THSD7A: variants seen among roughly 807,000 people sequenced by gnomAD.
The protein encoded by THSD7A is thrombospondin type 1 domain containing 7A.
THSD7A carries 96 observed loss-of-function variants against 231.3 expected under a neutral mutation model. That is an observed-to-expected ratio of 0.41 (90% CI 0.35 to 0.49). The LOEUF (loss-of-function observed/expected upper bound fraction) is 0.49. Ranked by LOEUF, THSD7A falls within the 20% of genes least tolerant of loss-of-function variation. The pLI is 0.05. For missense variants in THSD7A, 2,290 were observed against 2,070.2 expected, an observed-to-expected ratio of 1.11 and a Z score of -2.06; for synonymous variants, 940 against 743.3, an observed-to-expected ratio of 1.26 and a Z score of -4.30.
intron 6 of THSD7A, among the ~76,000 whole-genome samples, chr7:11,488,775 T>C (rs1246791614): frequency 1.3e-5 from 2 of 152,068 alleles, no homozygotes; most frequent in African/African-American, 2.4e-5. Flanking sequence ...ACAAAGAAAA[T>C]AGAAATCTTC....
chr7:11,809,398 T>C (rs1332865677), intron 1 of THSD7A, among the ~76,000 whole-genome samples: 4 of 152,174 alleles, frequency 2.6e-5, no homozygotes, highest in Non-Finnish European at 5.9e-5. Context: ...TCTACTATTA[T>C]AGTTGTGGCT....
intron 4 of THSD7A, among the ~76,000 whole-genome samples, chr7:11,551,541 T>A (rs1789626521): frequency 6.6e-6 from 1 of 151,992 alleles, no homozygotes; most frequent in Non-Finnish European, 1.5e-5. Flanking sequence ...CTATAATACA[T>A]GAATAGACAT....
At chr7:11,499,742 A>C (rs1787254538) in intron 6 of THSD7A, among the ~76,000 whole-genome samples, 1 of 152,238 alleles carries the variant, frequency 6.6e-6, no homozygotes, top group South Asian at 2.1e-4. Context: ...TGGTTCTGTG[A>C]AATAAGACAG....
At chr7:11,445,837 T>C (rs979225614) in intron 13 of THSD7A, among the ~76,000 whole-genome samples, 1 of 152,042 alleles carries the variant, frequency 6.6e-6, no homozygotes, top group Non-Finnish European at 1.5e-5. Flanking sequence ...CCCATCAGGC[T>C]TCCTGTCATT....
chr7:11,689,384 T>C (rs1335026356), intron 1 of THSD7A, among the ~76,000 whole-genome samples: 1 of 151,874 alleles, frequency 6.6e-6, no homozygotes. Flanking sequence ...ATTTTGACTT[T>C]GAACAACTGA....
chr7:11,717,955 C>A (rs1228671678), intron 1 of THSD7A, among the ~76,000 whole-genome samples: 1 of 151,494 alleles, frequency 6.6e-6, no homozygotes, highest in Non-Finnish European at 1.5e-5. Context: ...CTACGATTTC[C>A]AAAATTCAAA....
At position 11,375,838 on chromosome 7, in the gene THSD7A, G is replaced by A; in HGVS notation, c.4930C>T (p.Leu1644=). The change falls in exon 28 of 28, where the codon CTG becomes TTG. Residue 1644 remains leucine (L), a synonymous_variant. Coordinates refer to ENST00000423059, the MANE Select transcript of THSD7A (RefSeq NM_015204.3). ...KKPQRRQNNR[L]KPLTLAYDGD... ...TCATAGGCTAAGGTTAAAGGTTTCA[G>A]TCGGTTGTTTTGCCTTCTTTGGGGT... 6.2e-7 allele frequency: 1 copy of A among 1,612,870 alleles called. No homozygotes were observed. Among genetic ancestry groups the A allele is most frequent in the Non-Finnish European group, 8.5e-7 (1 of 1,179,120 alleles).
chr7:11,466,062 C>T (rs34949860), intron 9 of THSD7A, among the ~76,000 whole-genome samples: 3,024 of 152,184 alleles, frequency 0.02, 40 homozygotes, highest in Non-Finnish European at 0.032. Context: ...TCTTTTAGTT[C>T]TTCCTGGAAT....
At chr7:11,810,784 T>A (rs926404975) in intron 1 of THSD7A, among the ~76,000 whole-genome samples, 1 of 152,140 alleles carries the variant, frequency 6.6e-6, no homozygotes, top group Admixed American at 6.6e-5. Context: ...AATTTCAACT[T>A]TCAGAAATGT....
chr7:11,780,997 C>CAAAAAAAAAAAATAAAA (rs1783608450), intron 1 of THSD7A, among the ~76,000 whole-genome samples: 1 of 34,442 alleles, frequency 2.9e-5, no homozygotes, highest in Non-Finnish European at 5.3e-5. Context: ...GACTCCGTCT[C>CAAAAAAAAAAAATAAAA]AAAAAAAAAA....
intron 13 of THSD7A, 39 bp from the exon 14 acceptor site, chr7:11,429,164 C>T: frequency 1.3e-6 from 2 of 1,519,954 alleles, no homozygotes; most frequent in Non-Finnish European, 1.8e-6. Context: ...ATCTCCTCCA[C>T]CTGTCACTCT....
At chr7:11,745,196 A>G (rs1490267170) in intron 1 of THSD7A, among the ~76,000 whole-genome samples, 3 of 152,060 alleles carry the variant, frequency 2.0e-5, no homozygotes, top group Non-Finnish European at 2.9e-5. Context: ...ATGGCCAGTG[A>G]TGATGAACAT....
chr7:11,470,027 A>G (rs777412797), intron 8 of THSD7A, 33 bp from the exon 9 acceptor site: 10 of 1,372,716 alleles, frequency 7.3e-6, no homozygotes, highest in African/African-American at 5.7e-5. Context: ...TTAGGCTTCA[A>G]TAGTAAAGCA....
At chr7:11,668,445 A>AAG (rs540679033) in intron 1 of THSD7A, among the ~76,000 whole-genome samples, 1 of 145,208 alleles carries the variant, frequency 6.9e-6, no homozygotes, top group African/African-American at 2.6e-5. Flanking sequence ...AAAAGAAAGA[A>AAG]AGAGAGAGAG....
chr7:11,462,112 A>G lies in THSD7A; in HGVS notation c.2400T>C (p.His800=). ...GDSSIRKQSR[H]RVIIQLPANG... is the part of the protein sequence containing the mutation. ...TGGCTGGCAGCTGAATGATGACCCG[A>G]TGCCTAGACTGCTTCCTGATACTGG... The change falls in exon 10 of 28, where the codon CAT becomes CAC. Residue 800 remains histidine (H), a synonymous_variant. Coordinates refer to ENST00000423059, the MANE Select transcript of THSD7A (RefSeq NM_015204.3). 3 of 1,613,716 alleles carry G rather than the reference A, an allele frequency of 1.9e-6. No individual in the cohort carries two copies. Among genetic ancestry groups the G allele is most frequent in the Non-Finnish European group, 2.5e-6 (3 of 1,179,742 alleles).
rs986331915 is a variant in THSD7A, at chr7:11,471,221, G to A, written c.2253-1227C>T. 1.6e-4 allele frequency among the ~76,000 whole-genome samples: 25 copies of A among 151,926 alleles called. 1 individual carries two copies. Among genetic ancestry groups the A allele is most frequent in the Admixed American group, 6.6e-4 (10 of 15,230 alleles). On this transcript the variant is annotated intron_variant, in intron 8 of 27. Coordinates refer to ENST00000423059, the MANE Select transcript of THSD7A (RefSeq NM_015204.3). ...TTGAAGTCATATAAATCCCTGCCATGTAAGCTAACAGGCAATGAAAAAATA... is the reference window on the plus strand; with the variant it reads ...TTGAAGTCATATAAATCCCTGCCATATAAGCTAACAGGCAATGAAAAAATA...
At chr7:11,758,681 T>C (rs968020238) in intron 1 of THSD7A, among the ~76,000 whole-genome samples, 2 of 152,056 alleles carry the variant, frequency 1.3e-5, no homozygotes, top group African/African-American at 4.8e-5. Flanking sequence ...TGGAAGGGAA[T>C]AAGCAAAAAG....
chr7:11,685,976 A>G (rs2354970), intron 1 of THSD7A, among the ~76,000 whole-genome samples: 100,063 of 151,820 alleles, frequency 0.66, 33,151 homozygotes, highest in Admixed American at 0.71. Flanking sequence ...CTTGGTGCCC[A>G]TTAATGGTGG....
rs1780237481 is a variant in THSD7A at position 11,593,310 on chromosome 7, T to C, written c.1215A>G (p.Glu405=). The part of the protein sequence containing the change: ...FPIGSEKECP[E]FEEKEPCLSQ... ...ACAAACAGGGTTCTTTTTCTTCAAA[T>C]TCTGGACACTCCTTTTCACTGCCAA... The change falls in exon 3 of 28, where the codon GAA becomes GAG. Residue 405 remains glutamate, a synonymous_variant. Coordinates refer to ENST00000423059, the MANE Select transcript of THSD7A (RefSeq NM_015204.3). The C allele has an allele frequency of 6.2e-7, 1 of 1,613,884 alleles. No individual in the cohort carries two copies. Among genetic ancestry groups the C allele is most frequent in the African/African-American group, 1.3e-5 (1 of 74,926 alleles).
Sources: allele counts gnomAD v4.1 joint callset (sites outside exome capture counted in the v4.1 genomes callset), GRCh38; gene constraint gnomAD v4.1.1; transcripts MANE v1.5; gene names NCBI Gene and HGNC (gene_info 2026-07-23, HGNC 2026-07-21).